The following PDSS2 variants were observed in gnomAD, a reference collection of about 807,000 sequenced individuals.
PDSS2 encodes decaprenyl diphosphate synthase subunit 2.
PDSS2 carries 31 observed loss-of-function variants against 44.5 expected under a neutral mutation model. The ratio of observed to expected loss-of-function variants is 0.70; its 90% CI spans 0.52 to 0.94. The LOEUF (loss-of-function observed/expected upper bound fraction) is 0.94. PDSS2 is among the 40% of genes least tolerant of loss of function. The pLI is 0.00. For missense variants in PDSS2, 452 were observed against 482.2 expected (o/e 0.94, Z 0.59); for synonymous variants, 157 against 180.3 (o/e 0.87, Z 1.03).
intron 2 of PDSS2, among the ~76,000 whole-genome samples, chr6:107,331,049 G>A (rs1777695251): frequency 6.6e-6 from 1 of 151,934 alleles, no homozygotes; most frequent in Non-Finnish European, 1.5e-5. Context: ...TTTTATGAGA[G>A]AAAAAATACC....
At chr6:107,369,330 A>G (rs926978420) in intron 1 of PDSS2, among the ~76,000 whole-genome samples, 1 of 152,176 alleles carries the variant, frequency 6.6e-6, no homozygotes, top group African/African-American at 2.4e-5. Context: ...AGGCAGGGGA[A>G]TTGCTTGAAC....
chr6:107,372,822 T>C (rs1221962136), intron 1 of PDSS2, among the ~76,000 whole-genome samples: 1 of 152,040 alleles, frequency 6.6e-6, no homozygotes, highest in Non-Finnish European at 1.5e-5. Flanking sequence ...TGATATTAGG[T>C]TCTAATCAAA....
rs1554245251 is a variant in PDSS2 at position 107,154,784 on chromosome 6, A to G, written c.1042-7T>C. 6.2e-7 allele frequency: 1 copy of G among 1,613,942 alleles called. No homozygotes were observed. The highest frequency in any genetic ancestry group is 2.2e-5 in the East Asian group (1 of 44,884). The stretch of plus-strand genomic sequence containing the variant: ...CTTTGATTCTTTCTCGCAACTGTTA[A>G]GAAACAAATGCATGATAAAAGTCAG... On this transcript the variant is annotated splice_region_variant and splice_polypyrimidine_tract_variant and intron_variant, in intron 7 of 7. Coordinates refer to ENST00000369037, the MANE Select transcript of PDSS2 (RefSeq NM_020381.4).
At chr6:107,182,856 C>T (rs898487363) in intron 7 of PDSS2, among the ~76,000 whole-genome samples, 2 of 151,990 alleles carry the variant, frequency 1.3e-5, no homozygotes, top group Non-Finnish European at 2.9e-5. Flanking sequence ...AATGTAGTTG[C>T]CAAGAGAAAA....
chr6:107,338,967 T>C (rs546067240), intron 1 of PDSS2, among the ~76,000 whole-genome samples: 1 of 152,268 alleles, frequency 6.6e-6, no homozygotes, highest in Admixed American at 6.5e-5. Flanking sequence ...TCAAGTGATC[T>C]TCTGGCCTGG....
intron 1 of PDSS2, among the ~76,000 whole-genome samples, chr6:107,420,817 C>T (rs1389142247): frequency 2.0e-5 from 3 of 148,108 alleles, no homozygotes; most frequent in Non-Finnish European, 3.0e-5. Context: ...AAAACCCAAT[C>T]TATAAAAGAA....
chr6:107,388,539 C>T (rs1165977171), intron 1 of PDSS2, among the ~76,000 whole-genome samples: 1 of 151,460 alleles, frequency 6.6e-6, no homozygotes, highest in Admixed American at 6.6e-5. Flanking sequence ...AGCTCCGCCT[C>T]CCGGGTTCAC....
At chr6:107,227,146 A>G (rs1482801116) in intron 4 of PDSS2, among the ~76,000 whole-genome samples, 1 of 151,130 alleles carries the variant, frequency 6.6e-6, no homozygotes, top group Non-Finnish European at 1.5e-5. Context: ...CATCTGGCTA[A>G]TGTTTTAAAT....
chr6:107,290,741 C>T (rs1365611828), intron 2 of PDSS2, among the ~76,000 whole-genome samples: 1 of 152,222 alleles, frequency 6.6e-6, no homozygotes, highest in Non-Finnish European at 1.5e-5. Flanking sequence ...CCTCTCTCTA[C>T]ATAAGGCCTT....
chr6:107,385,074 C>T (rs546844681), intron 1 of PDSS2, among the ~76,000 whole-genome samples: 1 of 152,254 alleles, frequency 6.6e-6, no homozygotes, highest in African/African-American at 2.4e-5. Context: ...ACTTTTATAG[C>T]AAGGCTTTCC....
In PDSS2 at chr6:107,459,296, T is replaced by TGGAAGGGTCTGGG; in HGVS notation, c.-24_-12dup. 1.2e-6 allele frequency: 2 copies of TGGAAGGGTCTGGG among 1,613,216 alleles called. No homozygotes were observed. Among genetic ancestry groups the TGGAAGGGTCTGGG allele is most frequent in the Non-Finnish European group, 1.7e-6 (2 of 1,179,674 alleles). ...CTGCCGAAAGTTCATGGTTTGAGTC[T>TGGAAGGGTCTGGG]GGAAGGGTCTGGGACCTGGGGGTAT... On this transcript the variant is annotated 5_prime_UTR_variant, in exon 1 of 8. Coordinates refer to ENST00000369037, the MANE Select transcript of PDSS2 (RefSeq NM_020381.4). The surrounding 1 kb of genome is among the most constrained non-coding windows in gnomAD (Gnocchi z 4.3).
At chr6:107,325,782 T>A (rs938742088) in intron 2 of PDSS2, among the ~76,000 whole-genome samples, 8 of 152,210 alleles carry the variant, frequency 5.3e-5, no homozygotes, top group Non-Finnish European at 1.2e-4. Context: ...AGATTTTCAA[T>A]TGATTTGTAG....
intron 1 of PDSS2, among the ~76,000 whole-genome samples, chr6:107,424,525 A>AT (rs898588452): frequency 2.0e-5 from 3 of 151,364 alleles, no homozygotes; most frequent in Non-Finnish European, 2.9e-5. Flanking sequence ...TTTGATACTA[A>AT]TTTTTTTTTC....
rs950038745 is a variant in PDSS2, at chr6:107,448,807, C to T, written c.296+10183G>A. Among the ~76,000 whole-genome samples, 8 of 152,202 alleles carry T rather than the reference C, an allele frequency of 5.3e-5. No homozygotes were observed. In the South Asian group the frequency reaches 1.7e-3, roughly 31 times the overall value. The stretch of plus-strand genomic sequence containing the variant: ...TTATAAAGAAAAGAGGTTTAATTGA[C>T]CCAGAGTTTCACATCTTGGCAGAAG... On this transcript the variant is annotated intron_variant, in intron 1 of 7. Coordinates refer to ENST00000369037, the MANE Select transcript of PDSS2 (RefSeq NM_020381.4).
chr6:107,279,515 C>T (rs1203928197), intron 2 of PDSS2, among the ~76,000 whole-genome samples: 1 of 152,190 alleles, frequency 6.6e-6, no homozygotes, highest in African/African-American at 2.4e-5. Context: ...AACAGTTCTA[C>T]TTCTGCTTAT....
chr6:107,301,434 A>AT (rs1187853806), intron 2 of PDSS2, among the ~76,000 whole-genome samples: 1 of 147,774 alleles, frequency 6.8e-6, no homozygotes, highest in Non-Finnish European at 1.5e-5. Flanking sequence ...ACACTTTACC[A>AT]TTTTTTGAAA....
intron 4 of PDSS2, among the ~76,000 whole-genome samples, chr6:107,235,859 T>C (rs971267746): frequency 2.6e-5 from 4 of 152,042 alleles, no homozygotes; most frequent in Admixed American, 2.6e-4. Flanking sequence ...ACACAGAACA[T>C]GTAAACTGGT....
chr6:107,347,996 A>T (rs1029455063), intron 1 of PDSS2, among the ~76,000 whole-genome samples: 30 of 152,106 alleles, frequency 2.0e-4, no homozygotes, highest in Admixed American at 9.8e-4. Context: ...CTTCCTGAAA[A>T]GTTGCCAGGC....
chr6:107,211,465 C>T (rs905469770), intron 5 of PDSS2, among the ~76,000 whole-genome samples: 9 of 152,006 alleles, frequency 5.9e-5, no homozygotes, highest in Non-Finnish European at 1.2e-4. Context: ...GGCGTGGTGG[C>T]TCACACCTGT....
Sources: gnomAD v4.1 joint callset for allele counts (sites outside exome capture counted in the v4.1 genomes callset) on GRCh38, gnomAD v4.1.1 for gene constraint, Gnocchi (gnomAD v3.1) non-coding constraint, MANE v1.5 for transcripts, NCBI Gene and HGNC (gene_info 2026-07-23, HGNC 2026-07-21) for gene names.